Variants in DNM3 observed in about 807,000 individuals in gnomAD.
DNM3 encodes the protein dynamin-3.
DNM3 carries 47 observed loss-of-function variants against 101.6 expected under a neutral mutation model. The ratio of observed to expected loss-of-function variants is 0.46; its 90% CI spans 0.37 to 0.59. The LOEUF is 0.59. DNM3 is among the 20% of genes least tolerant of loss of function. DNM3 has a pLI of 0.00. For synonymous variants in DNM3, 385 were observed against 387.9 expected, an observed-to-expected ratio of 0.99 and a Z score of 0.09; for missense variants, 849 against 1,085.7, an observed-to-expected ratio of 0.78 and a Z score of 3.06.
chr1:172,400,562 G>C (rs1334698491), intron 20 of DNM3, among the ~76,000 whole-genome samples: 6 of 152,064 alleles, frequency 3.9e-5, no homozygotes, highest in African/African-American at 1.4e-4. Flanking sequence ...TTCTCACACT[G>C]TATCCCTCTT....
At chr1:172,058,956 A>T (rs2050899798) in intron 10 of DNM3, among the ~76,000 whole-genome samples, 1 of 152,202 alleles carries the variant, frequency 6.6e-6, no homozygotes, top group Non-Finnish European at 1.5e-5. Context: ...AGCAAGACTA[A>T]TAAAGGAGAA....
At chr1:172,399,230 C>T (rs2070270056) in intron 20 of DNM3, among the ~76,000 whole-genome samples, 1 of 152,118 alleles carries the variant, frequency 6.6e-6, no homozygotes, top group African/African-American at 2.4e-5. Flanking sequence ...TTAAAAAAAG[C>T]GTCTGACAAG....
At chr1:172,331,292 C>T (rs1253516210) in intron 17 of DNM3, among the ~76,000 whole-genome samples, 1 of 152,074 alleles carries the variant, frequency 6.6e-6, no homozygotes, top group Non-Finnish European at 1.5e-5. Flanking sequence ...TAATTTCTGG[C>T]TCTTGATTTT....
chr1:172,011,001 T>C lies in DNM3; in HGVS notation c.590-21401T>C, dbSNP rs148514807. ...TGAATACTGGATATTTTGAATTTTATGGGAGTGCTGAATTCTACAATATTC... is the reference window on the plus strand; with the variant it reads ...TGAATACTGGATATTTTGAATTTTACGGGAGTGCTGAATTCTACAATATTC... On this transcript the variant is annotated intron_variant, in intron 4 of 20. Coordinates refer to ENST00000627582, the MANE Select transcript of DNM3 (RefSeq NM_015569.5). Among the ~76,000 whole-genome samples the C allele has an allele frequency of 4.8e-3, 724 of 152,030 alleles. 1 individual carries two copies. Among genetic ancestry groups the C allele is most frequent in the African/African-American group, 0.016 (662 of 41,512 alleles).
intron 1 of DNM3, among the ~76,000 whole-genome samples, chr1:171,913,406 C>T (rs974719962): frequency 6.6e-6 from 1 of 152,026 alleles, no homozygotes; most frequent in Non-Finnish European, 1.5e-5. Context: ...CTTTGTAAAT[C>T]TGTAAGTACT....
intron 14 of DNM3, among the ~76,000 whole-genome samples, chr1:172,150,195 AG>A (rs2058075503): frequency 6.6e-6 from 1 of 152,158 alleles, no homozygotes; most frequent in Admixed American, 6.6e-5. Context: ...CTAGTTTCTA[AG>A]GACATATGAG....
intron 2 of DNM3, among the ~76,000 whole-genome samples, chr1:171,965,874 A>G (rs753153551): frequency 5.1e-4 from 77 of 152,134 alleles, no homozygotes; most frequent in Non-Finnish European, 3.8e-4. Context: ...CTTTCTAGTC[A>G]TGTAGTTGGA....
chr1:171,940,578 C>T (rs538536616), intron 2 of DNM3, among the ~76,000 whole-genome samples: 55 of 152,276 alleles, frequency 3.6e-4, no homozygotes, highest in African/African-American at 1.3e-3. Flanking sequence ...TGATGCAATT[C>T]TTTACAAGCA....
At chr1:172,319,353 A>G (rs1014285266) in intron 16 of DNM3, among the ~76,000 whole-genome samples, 2 of 152,188 alleles carry the variant, frequency 1.3e-5, no homozygotes, top group African/African-American at 4.8e-5. Flanking sequence ...CTAAAACACC[A>G]AAAGCAATGG....
intron 1 of DNM3, among the ~76,000 whole-genome samples, chr1:171,871,147 C>A (rs2035241519): frequency 6.6e-6 from 1 of 152,178 alleles, no homozygotes; most frequent in Middle Eastern, 3.4e-3. Flanking sequence ...AGGAAGGGAT[C>A]AGTACATGTT....
intron 10 of DNM3, among the ~76,000 whole-genome samples, chr1:172,057,697 C>T (rs996989091): frequency 1.4e-4 from 21 of 151,604 alleles, no homozygotes; most frequent in African/African-American, 4.8e-4. Flanking sequence ...GAAGGAAGCA[C>T]TAAACATGGA....
intron 1 of DNM3, among the ~76,000 whole-genome samples, chr1:171,898,333 C>T (rs1335517434): frequency 6.6e-6 from 1 of 151,960 alleles, no homozygotes; most frequent in Non-Finnish European, 1.5e-5. Flanking sequence ...CAGTATGTCC[C>T]TTTGCTGACC....
At chr1:171,921,525 T>G (rs1313821323) in intron 1 of DNM3, among the ~76,000 whole-genome samples, 1 of 152,210 alleles carries the variant, frequency 6.6e-6, no homozygotes, top group Non-Finnish European at 1.5e-5. Context: ...TCCAGTGAAG[T>G]CATTATGATA....
At chr1:172,186,239 T>G (rs921780740) in intron 14 of DNM3, among the ~76,000 whole-genome samples, 2 of 152,088 alleles carry the variant, frequency 1.3e-5, no homozygotes, top group African/African-American at 4.8e-5. Flanking sequence ...TACCTCAAAG[T>G]GCAGAGTGCT....
At chr1:172,381,199 T>C (rs1337994860) in intron 18 of DNM3, among the ~76,000 whole-genome samples, 1 of 151,966 alleles carries the variant, frequency 6.6e-6, no homozygotes, top group Admixed American at 6.6e-5. Context: ...GATATTATCC[T>C]CGGAGGTAAA....
chr1:172,006,271 A>G (rs1020642231), intron 4 of DNM3, among the ~76,000 whole-genome samples: 1 of 152,038 alleles, frequency 6.6e-6, no homozygotes, highest in East Asian at 1.9e-4. Context: ...TCTGTTGTCT[A>G]TTATTCTTCC....
At chr1:172,393,653 C>T (rs905617403) in intron 20 of DNM3, 4 of 152,758 alleles carry the variant, frequency 2.6e-5, no homozygotes, top group Non-Finnish European at 5.9e-5. Flanking sequence ...AAATGAGGAA[C>T]TCATCTTGTG....
intron 1 of DNM3, among the ~76,000 whole-genome samples, chr1:171,891,846 G>A (rs1434128871): frequency 2.6e-5 from 4 of 152,140 alleles, no homozygotes; most frequent in Non-Finnish European, 5.9e-5. Context: ...TGGTTGTCAG[G>A]CTTTCCCTTT....
chr1:172,334,307 C>G (rs1290749610), intron 17 of DNM3, among the ~76,000 whole-genome samples: 1 of 152,046 alleles, frequency 6.6e-6, no homozygotes, highest in Non-Finnish European at 1.5e-5. Context: ...GATTCTCAAC[C>G]AGGGGTGATT....
Sources: allele counts gnomAD v4.1 joint callset (sites outside exome capture counted in the v4.1 genomes callset), GRCh38; gene constraint gnomAD v4.1.1; transcripts MANE v1.5; gene names NCBI Gene and HGNC (gene_info 2026-07-23, HGNC 2026-07-21).